SLC9B1: variants seen among roughly 807,000 people sequenced by gnomAD.
The protein encoded by SLC9B1 is solute carrier family 9 member B1.
Under a neutral mutation model 51.7 loss-of-function variants are expected in SLC9B1, and 32 were observed. That is an observed-to-expected ratio of 0.62 (90% CI 0.47 to 0.83). SLC9B1 has a LOEUF of 0.83. Ranked by LOEUF, SLC9B1 falls within the 40% of genes least tolerant of loss-of-function variation. The probability of loss-of-function intolerance (pLI) is 0.00; values close to 1 mark genes in which losing one functional copy is unlikely to be tolerated. For synonymous variants in SLC9B1, 145 were observed against 212.7 expected, an observed-to-expected ratio of 0.68 and a Z score of 2.77; for missense variants, 406 against 613.2, an observed-to-expected ratio of 0.66 and a Z score of 3.57.
chr4:102,956,842 C>G (rs1315138953), intron 3 of SLC9B1, among the ~76,000 whole-genome samples: 2 of 151,984 alleles, frequency 1.3e-5, no homozygotes, highest in Non-Finnish European at 2.9e-5. Context: ...GGTTCATACT[C>G]TGGAAAAAAA....
At chr4:102,955,443 C>T (rs144702768) in intron 3 of SLC9B1, among the ~76,000 whole-genome samples, 112 of 152,228 alleles carry the variant, frequency 7.4e-4, no homozygotes, top group Middle Eastern at 3.4e-3. Flanking sequence ...TCCCCAAGCT[C>T]AGCTGGGAAA....
intron 7 of SLC9B1, among the ~76,000 whole-genome samples, chr4:102,922,634 G>C (rs1735938737): frequency 6.6e-6 from 1 of 151,932 alleles, no homozygotes; most frequent in African/African-American, 2.4e-5. Flanking sequence ...TTTTTGAAAA[G>C]ATCAACAAAA....
At chr4:102,962,508 C>T (rs1329325533) in intron 3 of SLC9B1, 1 of 478,594 alleles carries the variant, frequency 2.1e-6, no homozygotes, top group African/African-American at 2.0e-5. Context: ...TTCTACATTG[C>T]AGTTCAGGAG....
Position 102,912,912 on chromosome 4 carries a change from T to A in SLC9B1, c.830-1375A>T, listed in dbSNP as rs527965026. On this transcript the variant is annotated intron_variant, in intron 7 of 11. Transcript: ENST00000296422. ...TATAAACAGAGAGATGTCAGCCAGA[T>A]GGTGGAATGGGGAGCTCCAAACCTT... is the stretch of plus-strand genomic sequence containing the variant. Among the ~76,000 whole-genome samples the A allele has an allele frequency of 3.5e-4, 53 of 152,262 alleles. No individual in the cohort carries two copies. The South Asian group carries it at 0.011, about 32-fold the overall frequency.
intron 1 of SLC9B1, among the ~76,000 whole-genome samples, chr4:103,007,255 A>G (rs1024690367): frequency 6.6e-6 from 1 of 152,216 alleles, no homozygotes; most frequent in African/African-American, 2.4e-5. Flanking sequence ...GCTCCTAGAT[A>G]TAAAAAACTA....
intron 1 of SLC9B1, 76 bp downstream of exon 1, chr4:103,019,523 A>C: frequency 1.0e-6 from 1 of 959,070 alleles, no homozygotes; most frequent in Non-Finnish European, 1.2e-6. Flanking sequence ...GGCCTACCGC[A>C]AGGAAACGAT....
intron 1 of SLC9B1, among the ~76,000 whole-genome samples, chr4:103,000,826 T>A (rs536107243): frequency 6.6e-6 from 1 of 152,308 alleles, no homozygotes; most frequent in Admixed American, 6.5e-5. Context: ...TGTCAATGGA[T>A]CTACCATTCT....
At chr4:102,900,752 C>G (rs1056917819), downstream of SLC9B1, among the ~76,000 whole-genome samples, 2 of 152,212 alleles carry the variant, frequency 1.3e-5, no homozygotes, top group African/African-American at 4.8e-5. Context: ...GAAACTTAGG[C>G]TATCTTACCA....
At chr4:102,935,702 C>T (rs1228860612) in intron 6 of SLC9B1, among the ~76,000 whole-genome samples, 2 of 119,212 alleles carry the variant, frequency 1.7e-5, no homozygotes, top group Non-Finnish European at 3.4e-5. Context: ...TAAAAATGCA[C>T]AAAATAATAC....
At chr4:102,919,678 C>T (rs2110441827) in intron 7 of SLC9B1, among the ~76,000 whole-genome samples, 1 of 152,294 alleles carries the variant, frequency 6.6e-6, no homozygotes, top group South Asian at 2.1e-4. Flanking sequence ...GACAGACTAC[C>T]TGGAAAAACA....
chr4:102,961,113 G>T (rs1051805630), intron 3 of SLC9B1, among the ~76,000 whole-genome samples: 12 of 151,816 alleles, frequency 7.9e-5, no homozygotes, highest in African/African-American at 2.9e-4. Context: ...ATGCTGTTTT[G>T]AATTTTATTT....
At chr4:103,001,702 ATTC>A (rs1740532403) in intron 1 of SLC9B1, among the ~76,000 whole-genome samples, 2 of 152,138 alleles carry the variant, frequency 1.3e-5, no homozygotes, top group South Asian at 4.1e-4. Context: ...ATACTCCTCT[ATTC>A]TTCTGAGCCC....
intron 9 of SLC9B1, among the ~76,000 whole-genome samples, chr4:102,910,038 C>T (rs112190442): frequency 0.1 from 15,134 of 152,084 alleles, 903 homozygotes; most frequent in Admixed American, 0.15. Context: ...TGGTCTCAAA[C>T]TCCTGACCCC....
intron 10 of SLC9B1, among the ~76,000 whole-genome samples, chr4:102,905,974 C>T (rs1735024134): frequency 1.3e-5 from 2 of 151,976 alleles, no homozygotes; most frequent in South Asian, 4.1e-4. Flanking sequence ...CTTGCTCTGT[C>T]ACCCAGGCTG....
intron 7 of SLC9B1, among the ~76,000 whole-genome samples, chr4:102,918,296 T>A (rs1359614550): frequency 2.0e-5 from 3 of 152,078 alleles, no homozygotes; most frequent in Non-Finnish European, 4.4e-5. Flanking sequence ...ACAAGTTGGA[T>A]AACCTAGGAG....
chr4:102,885,875 G>A (rs1733885020), intron 11 of SLC9B1, among the ~76,000 whole-genome samples: 1 of 152,166 alleles, frequency 6.6e-6, no homozygotes, highest in Non-Finnish European at 1.5e-5. Flanking sequence ...GAAGTGAGAT[G>A]ATATATGTAA....
intron 3 of SLC9B1, among the ~76,000 whole-genome samples, chr4:102,956,487 A>G (rs932622415): frequency 6.6e-6 from 1 of 152,210 alleles, no homozygotes; most frequent in Non-Finnish European, 1.5e-5. Flanking sequence ...GCAACTTTGA[A>G]TGCATTCACC....
intron 1 of SLC9B1, among the ~76,000 whole-genome samples, chr4:103,000,035 A>G (rs1210585607): frequency 6.6e-6 from 1 of 152,108 alleles, no homozygotes; most frequent in East Asian, 1.9e-4. Context: ...TGCTTATAAA[A>G]CCATCAGATC....
chr4:102,927,983 A>T (rs1736270555), intron 7 of SLC9B1, among the ~76,000 whole-genome samples: 2 of 151,782 alleles, frequency 1.3e-5, no homozygotes, highest in Non-Finnish European at 1.5e-5. Context: ...AGGACAGAAA[A>T]CCAAACACCG....
Sources: allele counts gnomAD v4.1 joint callset (sites outside exome capture counted in the v4.1 genomes callset), GRCh38; gene constraint gnomAD v4.1.1; transcripts MANE v1.5; gene names NCBI Gene and HGNC (gene_info 2026-07-23, HGNC 2026-07-21).